Variants in TFEC observed in about 807,000 individuals in gnomAD.
The protein encoded by TFEC is class E basic helix-loop-helix protein 34.
In TFEC, 31 loss-of-function variants were observed where a neutral mutation model predicts 41.6. The observed-to-expected ratio is 0.74, with a 90% CI of 0.56 to 1.01. The LOEUF is 1.01. Among genes scored for constraint, TFEC ranks in the 50% least tolerant of loss-of-function variants. TFEC has a pLI of 0.00. For missense variants in TFEC, 402 were observed against 404.1 expected (o/e 0.99, Z 0.04); for synonymous variants, 143 against 140.6 (o/e 1.02, Z -0.12).
intron 4 of TFEC, among the ~76,000 whole-genome samples, chr7:115,955,008 G>A (rs1160559443): frequency 6.6e-6 from 1 of 151,858 alleles, no homozygotes; most frequent in Non-Finnish European, 1.5e-5. Context: ...AGAAAATATA[G>A]TATTCAATTA....
At chr7:115,970,507 A>G (rs1793084898) in intron 3 of TFEC, among the ~76,000 whole-genome samples, 1 of 151,928 alleles carries the variant, frequency 6.6e-6, no homozygotes, top group African/African-American at 2.4e-5. Flanking sequence ...GTAGCCAGAG[A>G]GGAAATGCGT....
intron 1 of TFEC, among the ~76,000 whole-genome samples, chr7:116,014,626 C>T (rs945660029): frequency 6.6e-6 from 1 of 152,022 alleles, no homozygotes; most frequent in Non-Finnish European, 1.5e-5. Flanking sequence ...TACCTCCCCA[C>T]CAAAGATGTC....
At chr7:115,952,015 T>A (rs553876612) in intron 5 of TFEC, among the ~76,000 whole-genome samples, 1 of 152,136 alleles carries the variant, frequency 6.6e-6, no homozygotes, top group Non-Finnish European at 1.5e-5. Context: ...AGAAGGAAAA[T>A]ATATTTTTTT....
At chr7:116,086,478 A>C (rs1385221401) in intron 3 of TFEC, among the ~76,000 whole-genome samples, 1 of 151,948 alleles carries the variant, frequency 6.6e-6, no homozygotes, top group Non-Finnish European at 1.5e-5. Context: ...AGATCAAATC[A>C]GGATATTTAG....
intron 3 of TFEC, among the ~76,000 whole-genome samples, chr7:115,964,141 T>C (rs535957787): frequency 1.3e-5 from 2 of 151,698 alleles, no homozygotes; most frequent in South Asian, 4.1e-4. Flanking sequence ...TGTAAATGCT[T>C]AGACAAAATG....
intron 3 of TFEC, among the ~76,000 whole-genome samples, chr7:116,108,652 C>T (rs1236997663): frequency 6.6e-6 from 1 of 152,088 alleles, no homozygotes; most frequent in Non-Finnish European, 1.5e-5. Flanking sequence ...AGATGTGCTA[C>T]CTTGAATAAG....
At chr7:116,072,304 G>C (rs952989598) in intron 3 of TFEC, among the ~76,000 whole-genome samples, 33 of 151,346 alleles carry the variant, frequency 2.2e-4, no homozygotes. Flanking sequence ...ATATTAAGTA[G>C]AATAGTAAAT....
chr7:115,936,847 T>A lies in TFEC; in HGVS notation c.*3704A>T, dbSNP rs1163344848. 1 of 151,600 alleles carries A rather than the reference T, an allele frequency of 6.6e-6. No homozygotes were observed. Among genetic ancestry groups the A allele is most frequent in the Non-Finnish European group, 1.5e-5 (1 of 67,662 alleles). 9.4% of individuals were successfully genotyped at this position (151,600 alleles called of 1,614,324 possible). A position where few individuals can be genotyped will look rare whatever the true frequency, so the allele number is the denominator to read the frequency against. On this transcript the variant is annotated 3_prime_UTR_variant, in exon 8 of 8. Coordinates refer to ENST00000265440, the MANE Select transcript of TFEC (RefSeq NM_012252.4). ...GAAAAAGGAAGAGGAAGGCTATTTC[T>A]CAATGTCCCCAGCTCATCTGGCTAT...
intron 1 of TFEC, among the ~76,000 whole-genome samples, chr7:116,016,116 T>C (rs999557176): frequency 6.6e-6 from 1 of 152,112 alleles, no homozygotes; most frequent in Non-Finnish European, 1.5e-5. Flanking sequence ...ATCACAAAGC[T>C]AATGTAGGAT....
intron 6 of TFEC, among the ~76,000 whole-genome samples, chr7:115,944,281 CA>C (rs1322667361): frequency 6.6e-6 from 1 of 151,288 alleles, no homozygotes; most frequent in African/African-American, 2.4e-5. Flanking sequence ...ACATGGCTCA[CA>C]AAAACACATA....
intron 3 of TFEC, among the ~76,000 whole-genome samples, chr7:115,969,554 G>A (rs1401893642): frequency 6.6e-6 from 1 of 151,964 alleles, no homozygotes; most frequent in Non-Finnish European, 1.5e-5. Flanking sequence ...TGTTTGAGGA[G>A]AAAGGATGCC....
intron 2 of TFEC, among the ~76,000 whole-genome samples, chr7:115,976,449 C>A (rs1793383888): frequency 6.6e-6 from 1 of 151,978 alleles, no homozygotes; most frequent in Non-Finnish European, 1.5e-5. Flanking sequence ...AAATAAGTTA[C>A]TGAATTTGTA....
At chr7:115,962,572 C>T (rs1182375986) in intron 3 of TFEC, among the ~76,000 whole-genome samples, 4 of 151,632 alleles carry the variant, frequency 2.6e-5, no homozygotes, top group African/African-American at 9.7e-5. Context: ...ACAAAGGTGC[C>T]AAGACCACTC....
intron 1 of TFEC, among the ~76,000 whole-genome samples, chr7:116,018,460 T>C (rs1795275312): frequency 6.6e-6 from 1 of 152,160 alleles, no homozygotes; most frequent in East Asian, 1.9e-4. Context: ...AACATGTTAT[T>C]GGATTGAAGT....
At position 116,103,436 on chromosome 7, in the gene TFEC, A is replaced by C. The variant is rs1797647876; in HGVS notation, c.198+7272T>G. Among the ~76,000 whole-genome samples, 3 of 152,314 alleles carry C rather than the reference A, an allele frequency of 2.0e-5. No individual in the cohort carries two copies. In the South Asian group the frequency reaches 6.2e-4, roughly 32 times the overall value. On this transcript the variant is annotated intron_variant, in intron 3 of 8. Transcript: ENST00000484212. ...CAATGACTTGAACCTAAACTCTAGA[A>C]ACCTGAAAGGACAGCAGGAAAGATG...
chr7:116,012,562 T>C (rs943429084), intron 1 of TFEC, among the ~76,000 whole-genome samples: 2 of 152,106 alleles, frequency 1.3e-5, no homozygotes, highest in African/African-American at 2.4e-5. Flanking sequence ...TGCTGTAAAA[T>C]AGATCTAAAG....
intron 1 of TFEC, among the ~76,000 whole-genome samples, chr7:116,005,920 G>C (rs1365869895): frequency 6.6e-6 from 1 of 152,190 alleles, no homozygotes; most frequent in Non-Finnish European, 1.5e-5. Flanking sequence ...GACTAAAAGG[G>C]GCCAAGGTAC....
At chr7:115,973,702 AC>A (rs1485925001) in intron 3 of TFEC, among the ~76,000 whole-genome samples, 2 of 151,836 alleles carry the variant, frequency 1.3e-5, no homozygotes, top group African/African-American at 4.8e-5. Flanking sequence ...TTTGACTTTA[AC>A]CTCTGGCTAT....
chr7:116,154,181 T>G (rs972645190), intron 1 of TFEC, among the ~76,000 whole-genome samples: 1 of 152,122 alleles, frequency 6.6e-6, no homozygotes, highest in Admixed American at 6.5e-5. Context: ...ATAAACATCC[T>G]CCCAAGTTGA....
Sources: allele counts gnomAD v4.1 joint callset (sites outside exome capture counted in the v4.1 genomes callset), GRCh38; gene constraint gnomAD v4.1.1; transcripts MANE v1.5; gene names NCBI Gene and HGNC (gene_info 2026-07-23, HGNC 2026-07-21).